The following NXPE2 variants were observed in gnomAD, a reference collection of about 807,000 sequenced individuals.
The protein encoded by NXPE2 is NXPE family member 2.
In NXPE2, 34 loss-of-function variants were observed where a neutral mutation model predicts 34.4. The ratio of observed to expected loss-of-function variants is 0.99; its 90% CI spans 0.75 to 1.31. The LOEUF is 1.31. Among genes scored for constraint, NXPE2 ranks in the 40% most tolerant of loss-of-function variants. The pLI is 0.00. For synonymous variants in NXPE2, 235 were observed against 231.3 expected, an observed-to-expected ratio of 1.02 and a Z score of -0.15; for missense variants, 649 against 672.5, an observed-to-expected ratio of 0.97 and a Z score of 0.39.
chr11:114,632,391 A>G, the NXPE2 span, among the ~76,000 whole-genome samples: 2 of 133,566 alleles, frequency 1.5e-5, no homozygotes, highest in African/African-American at 5.4e-5. Context: ...TATGATATAA[A>G]TATAAATATA....
At chr11:114,470,582 CGTGTGTGTGTGTGTGT>C in the NXPE2 span, among the ~76,000 whole-genome samples, 1,015 of 144,880 alleles carry the variant, frequency 7.0e-3, 13 homozygotes, top group African/African-American at 0.024. Flanking sequence ...AAAGAATTGA[CGTGTGTGTGTGTGTGT>C]GTGTGTGTGT....
At chr11:114,649,566 C>T in the NXPE2 span, among the ~76,000 whole-genome samples, 91 of 152,138 alleles carry the variant, frequency 6.0e-4, no homozygotes, top group Non-Finnish European at 1.1e-3. Context: ...TCAGTGGTTG[C>T]CTGGGCAACT....
At chr11:114,721,919 G>A in the NXPE2 span, among the ~76,000 whole-genome samples, 7 of 152,188 alleles carry the variant, frequency 4.6e-5, no homozygotes, top group Middle Eastern at 3.4e-3. Flanking sequence ...AAAGAGAAAG[G>A]CACATCAAAA....
chr11:114,467,178 G>C, the NXPE2 span, among the ~76,000 whole-genome samples: 4 of 152,166 alleles, frequency 2.6e-5, no homozygotes, highest in Non-Finnish European at 2.9e-5. Flanking sequence ...TAACACTGAC[G>C]TTTGTCAAAG....
the NXPE2 span, chr11:114,594,725 A>C: frequency 6.3e-7 from 1 of 1,595,710 alleles, no homozygotes; most frequent in Non-Finnish European, 8.6e-7. Flanking sequence ...CAACAGTGCC[A>C]ATAGTGACTT....
At chr11:114,607,733 C>T in the NXPE2 span, among the ~76,000 whole-genome samples, 1 of 151,960 alleles carries the variant, frequency 6.6e-6, no homozygotes, top group Non-Finnish European at 1.5e-5. Flanking sequence ...CGTGGGTAAC[C>T]ACAGTTGCCC....
the NXPE2 span, chr11:114,571,323 G>A: frequency 5.4e-5 from 87 of 1,614,020 alleles, no homozygotes; most frequent in Non-Finnish European, 7.2e-5. Flanking sequence ...AATGGCCCGG[G>A]TGAGGTACTC....
the NXPE2 span, among the ~76,000 whole-genome samples, chr11:114,632,745 T>C: frequency 3.7e-5 from 2 of 54,340 alleles, no homozygotes; most frequent in Non-Finnish European, 3.2e-5. Flanking sequence ...ATATAAAATA[T>C]ATTATAATAT....
At chr11:114,633,363 T>A in the NXPE2 span, among the ~76,000 whole-genome samples, 1 of 143,662 alleles carries the variant, frequency 7.0e-6, no homozygotes, top group South Asian at 2.1e-4. Flanking sequence ...TTATATATAC[T>A]ATATAATATA....
downstream of NXPE2, among the ~76,000 whole-genome samples, chr11:114,711,381 A>T (rs1056401271): frequency 6.6e-6 from 1 of 152,158 alleles, no homozygotes; most frequent in Non-Finnish European, 1.5e-5. Context: ...AATCTTAAAG[A>T]TTCTGCACAG....
the NXPE2 span, among the ~76,000 whole-genome samples, chr11:114,614,113 G>A: frequency 6.6e-6 from 1 of 151,826 alleles, no homozygotes; most frequent in African/African-American, 2.4e-5. Context: ...TTGCCTCGTG[G>A]GTAACCAGTG....
intron 2 of NXPE2, among the ~76,000 whole-genome samples, chr11:114,684,323 A>T (rs2135537256): frequency 6.6e-6 from 1 of 152,072 alleles, no homozygotes; most frequent in South Asian, 2.1e-4. Context: ...GCTACTCGGG[A>T]GTCTGAGGCA....
the NXPE2 span, among the ~76,000 whole-genome samples, chr11:114,772,753 C>T: frequency 1.3e-5 from 2 of 152,218 alleles, no homozygotes; most frequent in South Asian, 4.2e-4. Flanking sequence ...TCTTTTCTAC[C>T]CTGCCCCACT....
the NXPE2 span, among the ~76,000 whole-genome samples, chr11:114,493,647 G>A: frequency 6.6e-6 from 1 of 151,652 alleles, no homozygotes; most frequent in Non-Finnish European, 1.5e-5. Flanking sequence ...TTAACTTTTT[G>A]TTTTTATTTA....
At chr11:114,779,033 C>T in the NXPE2 span, among the ~76,000 whole-genome samples, 4 of 152,164 alleles carry the variant, frequency 2.6e-5, no homozygotes, top group Admixed American at 2.6e-4. Context: ...AGTTCCTTTC[C>T]CCCTCTCTCT....
chr11:114,703,849 A>C, intron 3 of NXPE2, 142 bp from the exon 4 acceptor site: 1 of 637,766 alleles, frequency 1.6e-6, no homozygotes, highest in Non-Finnish European at 2.7e-6. Flanking sequence ...CTGACCCATT[A>C]ACTTCCCCAG....
chr11:114,785,363 C>G, the NXPE2 span, among the ~76,000 whole-genome samples: 1 of 152,108 alleles, frequency 6.6e-6, no homozygotes, highest in Admixed American at 6.5e-5. Flanking sequence ...TAGATTCTAC[C>G]TGCTCTTTCC....
the NXPE2 span, among the ~76,000 whole-genome samples, chr11:114,648,948 C>CAA: frequency 0.33 from 49,802 of 151,894 alleles, 8,426 homozygotes; most frequent in East Asian, 0.41. Context: ...TAAGAGGAAA[C>CAA]AAAAAAATAT....
chr11:114,704,025 AC>A lies in NXPE2; in HGVS notation c.906del (p.Ile303LeufsTer12), dbSNP rs1469583800. ...AGGAGTTGAAATGATGAAGAACTTT[AC>A]CCCCATTGAGGTCATACCATGCAAC... ...NIGVEMMKNF[T>X]PIEVIPCNKS... On this transcript the variant is annotated frameshift_variant, in exon 4 of 6. Transcript: ENST00000389586. LOFTEE classifies it high-confidence loss of function. 1.3e-6 allele frequency: 2 copies of A among 1,551,690 alleles called. No individual in the cohort carries two copies. Among genetic ancestry groups the A allele is most frequent in the Non-Finnish European group, 1.7e-6 (2 of 1,146,730 alleles).
Sources: gnomAD v4.1 joint callset for allele counts (sites outside exome capture counted in the v4.1 genomes callset) on GRCh38, gnomAD v4.1.1 for gene constraint, MANE v1.5 for transcripts, NCBI Gene and HGNC (gene_info 2026-07-23, HGNC 2026-07-21) for gene names.